Variants in RBM33 observed in about 807,000 individuals in gnomAD.
RBM33 encodes RNA binding motif protein 33.
RBM33 carries 28 observed loss-of-function variants against 132.6 expected under a neutral mutation model. The ratio of observed to expected loss-of-function variants is 0.21; its 90% CI spans 0.16 to 0.29. RBM33 has a LOEUF of 0.29. RBM33 is among the 10% of genes least tolerant of loss of function. The pLI, the probability that RBM33 is intolerant of heterozygous loss-of-function variation, is 1.00. For missense variants in RBM33, 1,291 were observed against 1,518.5 expected (o/e 0.85, Z 2.49); for synonymous variants, 634 against 593.0 (o/e 1.07, Z -1.01).
intron 14 of RBM33, among the ~76,000 whole-genome samples, chr7:155,762,028 G>T (rs529709061): frequency 6.6e-6 from 1 of 152,248 alleles, no homozygotes; most frequent in Admixed American, 6.5e-5. Context: ...GGGTTGACCC[G>T]ACTGCTGCGT....
At chr7:155,730,815 T>A (rs1214313039) in intron 9 of RBM33, among the ~76,000 whole-genome samples, 1 of 152,212 alleles carries the variant, frequency 6.6e-6, no homozygotes, top group African/African-American at 2.4e-5. Context: ...ACTGTGCATT[T>A]AGACAGCATG....
intron 2 of RBM33, among the ~76,000 whole-genome samples, chr7:155,667,381 G>A (rs1798827524): frequency 6.6e-6 from 1 of 152,086 alleles, no homozygotes; most frequent in African/African-American, 2.4e-5. Context: ...CCAGAGTGCT[G>A]GGATTGGCGT....
At chr7:155,733,764 A>T (rs992388124) in intron 9 of RBM33, among the ~76,000 whole-genome samples, 6 of 152,196 alleles carry the variant, frequency 3.9e-5, no homozygotes, top group African/African-American at 1.4e-4. Flanking sequence ...GCAAGTAGAA[A>T]GAATGGCCGT....
intron 1 of RBM33, among the ~76,000 whole-genome samples, chr7:155,657,239 C>T (rs1007370895): frequency 1.3e-5 from 2 of 152,054 alleles, no homozygotes; most frequent in Non-Finnish European, 2.9e-5. Flanking sequence ...CTGAAATTTC[C>T]GGAAAGTGCT....
chr7:155,647,392 A>G (rs1460482443), intron 1 of RBM33, among the ~76,000 whole-genome samples: 1 of 152,220 alleles, frequency 6.6e-6, no homozygotes, highest in African/African-American at 2.4e-5. Flanking sequence ...TGGATAGCCA[A>G]AATGGGTACC....
At chr7:155,645,298 T>C (rs1249128832) in intron 1 of RBM33, 3 of 198,438 alleles carry the variant, frequency 1.5e-5, no homozygotes, top group Non-Finnish European at 3.0e-5. Context: ...GGCAGGTCGC[T>C]GTAGGGTGGG....
At position 155,682,811 on chromosome 7, in the gene RBM33, A is replaced by G. The variant is rs145906365; in HGVS notation, c.567+1903A>G. Among the ~76,000 whole-genome samples, 20 of 152,314 alleles carry G rather than the reference A, an allele frequency of 1.3e-4. No individual in the cohort carries two copies. The East Asian group carries it at 3.9e-3, about 29-fold the overall frequency. Reference sequence around the variant, plus strand: ...TTGTTGTAAAGAGAATTTCCAAGTGAGGAATTTCCCTCTCTGGTATTCCAT... The same window carrying G: ...TTGTTGTAAAGAGAATTTCCAAGTGGGGAATTTCCCTCTCTGGTATTCCAT... On this transcript the variant is annotated intron_variant, in intron 5 of 17. Transcript: ENST00000401878.
At chr7:155,673,950 T>TTTTTTTTTG in intron 3 of RBM33, among the ~76,000 whole-genome samples, 1 of 38,594 alleles carries the variant, frequency 2.6e-5, no homozygotes, top group Non-Finnish European at 6.4e-5. Flanking sequence ...GTTTTTTTTT[T>TTTTTTTTTG]TTTTTTTTTT....
intron 7 of RBM33, 96 bp from the exon 8 acceptor site, chr7:155,711,107 A>G: frequency 7.1e-7 from 1 of 1,403,340 alleles, no homozygotes; most frequent in East Asian, 2.9e-5. Context: ...GTAAATTTGT[A>G]ACACATCAGC....
rs1045555337 is a variant in RBM33, at chr7:155,775,863, T to G, written c.*822T>G. The stretch of plus-strand genomic sequence containing the variant: ...GGCCTGAAGGTGGAACAGACCTGTT[T>G]TTTTCCTTTTTAAATGCAGTAAGGT... On this transcript the variant is annotated 3_prime_UTR_variant, in exon 18 of 18. Transcript: ENST00000401878. The G allele has an allele frequency of 6.6e-6, 1 of 152,216 alleles. No homozygotes were observed. Among genetic ancestry groups the G allele is most frequent in the Non-Finnish European group, 1.5e-5 (1 of 68,058 alleles). The allele number at this position is 152,216 out of a possible 1,614,324, so 9.4% of individuals were successfully genotyped here.
At chr7:155,770,847 C>CT (rs768463079) in intron 16 of RBM33, among the ~76,000 whole-genome samples, 1 of 152,280 alleles carries the variant, frequency 6.6e-6, no homozygotes, top group Non-Finnish European at 1.5e-5. Flanking sequence ...AACATGGAAG[C>CT]TTTTCGCTGC....
chr7:155,671,161 C>G (rs542087473), intron 2 of RBM33, among the ~76,000 whole-genome samples: 6 of 152,248 alleles, frequency 3.9e-5, no homozygotes, highest in Non-Finnish European at 8.8e-5. Context: ...ATATTGTTGA[C>G]TAGACAGCAT....
chr7:155,750,606 C>T (rs1002623520), intron 14 of RBM33, among the ~76,000 whole-genome samples: 6 of 152,152 alleles, frequency 3.9e-5, no homozygotes, highest in African/African-American at 1.4e-4. Context: ...AGAACCAACT[C>T]TCCTCCCAGG....
intron 3 of RBM33, among the ~76,000 whole-genome samples, chr7:155,673,496 A>C (rs1006057142): frequency 6.8e-6 from 1 of 147,912 alleles, no homozygotes; most frequent in Non-Finnish European, 1.5e-5. Flanking sequence ...ATATATACAC[A>C]CATATATACA....
chr7:155,686,470 AT>A (rs1039575414), intron 5 of RBM33, among the ~76,000 whole-genome samples: 8 of 150,486 alleles, frequency 5.3e-5, no homozygotes, highest in Non-Finnish European at 7.4e-5. Context: ...TGTTCGTGGT[AT>A]TTTTTTTCTT....
At chr7:155,749,474 T>C (rs1243846077) in intron 14 of RBM33, among the ~76,000 whole-genome samples, 1 of 152,266 alleles carries the variant, frequency 6.6e-6, no homozygotes, top group East Asian at 1.9e-4. Flanking sequence ...CCCTTGTCTA[T>C]GATAGTTGTC....
At chr7:155,655,315 T>G (rs1217301796) in intron 1 of RBM33, among the ~76,000 whole-genome samples, 5 of 152,220 alleles carry the variant, frequency 3.3e-5, no homozygotes, top group Admixed American at 2.0e-4. Context: ...ATGACTGTAC[T>G]TTTATTTGAC....
At chr7:155,715,913 T>G (rs546792838) in intron 8 of RBM33, among the ~76,000 whole-genome samples, 1 of 152,340 alleles carries the variant, frequency 6.6e-6, no homozygotes, top group Non-Finnish European at 1.5e-5. Context: ...TATATATACA[T>G]CTTCTTCTGA....
chr7:155,716,153 G>C (rs1800453755), intron 8 of RBM33, among the ~76,000 whole-genome samples: 2 of 152,156 alleles, frequency 1.3e-5, no homozygotes, highest in Admixed American at 1.3e-4. Context: ...CGCTGCAGTA[G>C]TCGGGCAGCC....
Sources: gnomAD v4.1 joint callset for allele counts (sites outside exome capture counted in the v4.1 genomes callset) on GRCh38, gnomAD v4.1.1 for gene constraint, MANE v1.5 for transcripts, NCBI Gene and HGNC (gene_info 2026-07-23, HGNC 2026-07-21) for gene names.